NUP50: variants seen among roughly 807,000 people sequenced by gnomAD.
The protein encoded by NUP50 is nuclear pore complex protein Nup50.
Under a neutral mutation model 36.8 loss-of-function variants are expected in NUP50, and 14 were observed. The observed-to-expected ratio is 0.38, with a 90% CI of 0.25 to 0.59. NUP50 has a LOEUF of 0.59. Ranked by LOEUF, NUP50 falls within the 20% of genes least tolerant of loss-of-function variation. The pLI, the probability that NUP50 is intolerant of heterozygous loss-of-function variation, is 0.63. For missense variants in NUP50, 455 were observed against 564.6 expected (o/e 0.81, Z 1.97); for synonymous variants, 195 against 210.8 (o/e 0.93, Z 0.65).
chr22:45,182,478 G>T (rs2074388375), intron 6 of NUP50, among the ~76,000 whole-genome samples: 1 of 151,478 alleles, frequency 6.6e-6, no homozygotes, highest in Non-Finnish European at 1.5e-5. Context: ...CCATGGTTTT[G>T]TATTAATAAC....
At chr22:45,169,929 T>G (rs1263063236) in intron 2 of NUP50, among the ~76,000 whole-genome samples, 1 of 152,238 alleles carries the variant, frequency 6.6e-6, no homozygotes, top group Non-Finnish European at 1.5e-5. Context: ...GTCACACTCC[T>G]TGTCCACATT....
At chr22:45,175,869 T>C (rs768353402) in intron 3 of NUP50, 25 bp from the exon 4 acceptor site, 1 of 1,611,800 alleles carries the variant, frequency 6.2e-7, no homozygotes, top group Non-Finnish European at 8.5e-7. Flanking sequence ...ACTTACCTAA[T>C]GTGTGCTCCT....
chr22:45,173,879 G>A (rs1315229941), intron 3 of NUP50, among the ~76,000 whole-genome samples: 6 of 152,340 alleles, frequency 3.9e-5, no homozygotes, highest in Admixed American at 3.3e-4. Flanking sequence ...GAAATCCACA[G>A]ATAATTTTAG....
chr22:45,183,296 C>T, intron 6 of NUP50, 106 bp from the exon 7 acceptor site: 1 of 703,756 alleles, frequency 1.4e-6, no homozygotes, highest in Non-Finnish European at 2.6e-6. Context: ...TTCCTGTACT[C>T]ATTTAATAGA....
chr22:45,167,322 C>T (rs1163468154), intron 1 of NUP50, among the ~76,000 whole-genome samples: 12 of 152,250 alleles, frequency 7.9e-5, no homozygotes, highest in African/African-American at 2.2e-4. Flanking sequence ...ACACTCATAG[C>T]GGAGCTCTGG....
At chr22:45,174,452 T>C (rs1281892439) in intron 3 of NUP50, among the ~76,000 whole-genome samples, 2 of 152,144 alleles carry the variant, frequency 1.3e-5, no homozygotes, top group Non-Finnish European at 2.9e-5. Context: ...ACTGGTATTA[T>C]AGGCATGAGC....
rs1291597515 is a variant in NUP50 at position 45,181,313 on chromosome 22, C to T, written c.1031C>T (p.Pro344Leu). ...KGGDEEENDE[P>L]PKVVVTEVKE... ...GGAGATGAAGAAGAGAATGATGAGC[C>T]ACCCAAAGTAGTAGTTACCGAAGTA... Residue 344 changes from proline to leucine, a missense_variant, in exon 6 of 8, where the codon CCA becomes CTA. By Grantham distance (98) the Pro-to-Leu change is moderately conservative. Transcript: ENST00000347635. 3.8e-6 allele frequency: 6 copies of T among 1,593,738 alleles called. No homozygotes were observed. Among genetic ancestry groups the T allele is most frequent in the Non-Finnish European group, 5.1e-6 (6 of 1,174,678 alleles).
chr22:45,176,888 T>C (rs1008924396), intron 4 of NUP50, among the ~76,000 whole-genome samples: 1 of 151,896 alleles, frequency 6.6e-6, no homozygotes, highest in African/African-American at 2.4e-5. Flanking sequence ...ACTACAGGCA[T>C]GCACCACCAT....
rs2074314085 is a variant in NUP50 at position 45,178,557 on chromosome 22, G to A, written c.660G>A (p.Gln220=). 1 of 1,611,890 alleles carries A rather than the reference G, an allele frequency of 6.2e-7. No individual in the cohort carries two copies. The highest frequency in any genetic ancestry group is 1.7e-5 in the Admixed American group (1 of 59,998). Residue 220 remains glutamine, a synonymous_variant, in exon 5 of 8, where the codon CAG becomes CAA. Transcript: ENST00000347635. ...SESNKVAAET[Q]SPSLFGSTKL... is the part of the protein sequence containing the mutation. Reference sequence around the variant, plus strand: ...CTAACAAAGTGGCAGCTGAAACACAGTCTCCTTCCCTTTTTGGCTCAACAA... The same window carrying A: ...CTAACAAAGTGGCAGCTGAAACACAATCTCCTTCCCTTTTTGGCTCAACAA...
At chr22:45,166,283 C>CTTTTTTTTTTTT (rs71190641) in intron 1 of NUP50, 1 of 121,946 alleles carries the variant, frequency 8.2e-6, no homozygotes, top group Non-Finnish European at 1.6e-5. Context: ...TTTTCTTTTT[C>CTTTTTTTTTTTT]TTTTTTTTTT....
intron 2 of NUP50, among the ~76,000 whole-genome samples, chr22:45,170,246 G>A (rs9626291): frequency 0.049 from 7,473 of 151,978 alleles, 496 homozygotes; most frequent in East Asian, 0.14. Context: ...CCGTGTCTTG[G>A]TGGTAGTAGT....
At position 45,183,529 on chromosome 22, in the gene NUP50, C is replaced by CT; in HGVS notation, c.1204+15dup. 1.3e-6 allele frequency: 2 copies of CT among 1,534,878 alleles called. No homozygotes were observed. Among genetic ancestry groups the CT allele is most frequent in the Non-Finnish European group, 1.8e-6 (2 of 1,108,050 alleles). On this transcript the variant is annotated intron_variant, in intron 7 of 7. Transcript: ENST00000347635. ...GGCAGACACCAATTTAGGTGGGTAC[C>CT]TTTTTTCAGTTAGCACAAAATCATC...
chr22:45,180,880 C>G (rs57858316), intron 5 of NUP50, among the ~76,000 whole-genome samples: 1 of 151,304 alleles, frequency 6.6e-6, no homozygotes, highest in African/African-American at 2.4e-5. Flanking sequence ...TTGGCTATTA[C>G]TGATACTTGT....
At chr22:45,175,826 G>T (rs1403616462) in intron 3 of NUP50, 68 bp from the exon 4 acceptor site, 3 of 1,519,300 alleles carry the variant, frequency 2.0e-6, no homozygotes, top group Non-Finnish European at 2.7e-6. Context: ...AGATGCTGTT[G>T]TCACTCACTT....
rs132849 is a variant in NUP50 at position 45,164,027 on chromosome 22, C to T, written c.-280C>T. 0.66 allele frequency: 100,352 copies of T among 152,098 alleles called. 33,399 individuals carry two copies. Among genetic ancestry groups the T allele is most frequent in the East Asian group, 0.86 (4,411 of 5,156 alleles). The allele number at this position is 152,098 out of a possible 1,614,324, so 9.4% of individuals were successfully genotyped here. ...CGAGTTACAAAATGGCCGCCCGGAG[C>T]GTGTTCGGCGCGGTTCCCCCAGCTG... On this transcript the variant is annotated 5_prime_UTR_variant, in exon 1 of 8. Coordinates refer to ENST00000347635, the MANE Select transcript of NUP50 (RefSeq NM_007172.4).
At chr22:45,169,900 G>C (rs1479173109) in intron 2 of NUP50, among the ~76,000 whole-genome samples, 1 of 152,212 alleles carries the variant, frequency 6.6e-6, no homozygotes, top group Non-Finnish European at 1.5e-5. Context: ...ACCCCTCCCT[G>C]TGGTGCTGTG....
chr22:45,173,198 A>C (rs1199541474), intron 3 of NUP50, among the ~76,000 whole-genome samples: 10 of 152,228 alleles, frequency 6.6e-5, no homozygotes, highest in African/African-American at 2.4e-4. Context: ...TTTTGTAATT[A>C]ATTAATTATA....
At chr22:45,172,176 T>TC in intron 3 of NUP50, 1 of 155,214 alleles carries the variant, frequency 6.4e-6, no homozygotes. Flanking sequence ...AATGTGCTGA[T>TC]TATTAAGCAG....
intron 1 of NUP50, 72 bp from the exon 2 acceptor site, chr22:45,168,096 G>A: frequency 2.6e-6 from 3 of 1,167,816 alleles, no homozygotes; most frequent in South Asian, 1.4e-5. Flanking sequence ...TCATGCTAGA[G>A]TGAATTTTTA....
Sources: allele counts gnomAD v4.1 joint callset (sites outside exome capture counted in the v4.1 genomes callset), GRCh38; gene constraint gnomAD v4.1.1; transcripts MANE v1.5; gene names NCBI Gene and HGNC (gene_info 2026-07-23, HGNC 2026-07-21).